Variants in HOXC4 observed in about 807,000 individuals in gnomAD.
HOXC4 encodes homeobox C4.
A neutral mutation model predicts 25.5 loss-of-function variants in HOXC4; 15 were observed. The observed-to-expected ratio is 0.59, with a 90% CI of 0.39 to 0.91. The LOEUF is 0.91. HOXC4 is among the 40% of genes least tolerant of loss of function. HOXC4 has a pLI of 0.00. For missense variants in HOXC4, 342 were observed against 352.4 expected (o/e 0.97, Z 0.24); for synonymous variants, 165 against 148.0 (o/e 1.11, Z -0.83).
intron 1 of HOXC4, among the ~76,000 whole-genome samples, chr12:54,038,646 C>T (rs1941225108): frequency 6.6e-6 from 1 of 152,168 alleles, no homozygotes; most frequent in African/African-American, 2.4e-5. Context: ...CATCTTAGTC[C>T]GTCTGAAGCC....
chr12:54,053,448 A>T, upstream of HOXC4: 1 of 162,378 alleles, frequency 6.2e-6, no homozygotes, highest in Admixed American at 6.0e-5. Flanking sequence ...TGACCTACAC[A>T]GACTGAGACA....
At chr12:54,033,042 CA>C (rs369424089) in intron 1 of HOXC4, 5 of 1,205,758 alleles carry the variant, frequency 4.1e-6, no homozygotes, top group Non-Finnish European at 3.5e-6. Context: ...CTTTGGAGAA[CA>C]AAAAACCCCT....
rs762492259 is a variant in HOXC4, at chr12:54,054,955, C to T, written c.545C>T (p.Thr182Ile). 9.9e-6 allele frequency: 16 copies of T among 1,613,962 alleles called. No homozygotes were observed. In the Middle Eastern group the frequency reaches 2.1e-3, roughly 216 times the overall value. The change falls in exon 2 of 2, where the codon ACC becomes ATC. Residue 182 changes from threonine (T) to isoleucine (I), a missense_variant. Thr to Ile is a moderately conservative substitution (Grantham distance 89). Transcript: ENST00000430889. ...EKEFHYNRYL[T>I]RRRRIEIAHS... ...GAGTTTCATTACAACCGCTACCTGA[C>T]CCGAAGGAGAAGGATCGAGATCGCC... is the stretch of plus-strand genomic sequence containing the variant.
chr12:54,050,282 C>T (rs1337571166), upstream of HOXC4, among the ~76,000 whole-genome samples: 3 of 152,150 alleles, frequency 2.0e-5, no homozygotes, highest in Non-Finnish European at 4.4e-5. Flanking sequence ...AAGGGAAGCG[C>T]TTTGTACTGA....
At chr12:54,019,184 C>A (rs1016705676) in intron 1 of HOXC4, among the ~76,000 whole-genome samples, 2 of 136,208 alleles carry the variant, frequency 1.5e-5, no homozygotes, top group African/African-American at 5.3e-5. Context: ...CCCACCCCCC[C>A]ACCCCCAGTA....
chr12:54,018,030 T>C (rs1565734245), intron 1 of HOXC4, among the ~76,000 whole-genome samples: 1 of 151,818 alleles, frequency 6.6e-6, no homozygotes, highest in Non-Finnish European at 1.5e-5. Context: ...AATTGGCAAT[T>C]AGGGGGGAGG....
rs566843610 is a variant in HOXC4 at position 54,054,633 on chromosome 12, C to T, written c.440-217C>T. On this transcript the variant is annotated intron_variant, in intron 1 of 1. Coordinates refer to ENST00000430889, the MANE Select transcript of HOXC4 (RefSeq NM_153633.3). ...GAAAACTATGCTCGCTTTCTAAGGG[C>T]GCATAAATAATTCAGTGTCGTTACA... 8.5e-5 allele frequency among the ~76,000 whole-genome samples: 13 copies of T among 152,204 alleles called. No homozygotes were observed. The South Asian group carries it at 1.9e-3, about 22-fold the overall frequency.
chr12:54,019,171 T>G (rs1390937178), intron 1 of HOXC4, among the ~76,000 whole-genome samples: 1 of 79,254 alleles, frequency 1.3e-5, no homozygotes, highest in Admixed American at 1.4e-4. Flanking sequence ...TCTCTCCCCC[T>G]CCCCCACCCC....
chr12:54,027,059 C>T (rs980613907), intron 1 of HOXC4, among the ~76,000 whole-genome samples: 1 of 151,966 alleles, frequency 6.6e-6, no homozygotes, highest in African/African-American at 2.4e-5. Context: ...ATCACGATAT[C>T]AAATTAAGTT....
chr12:54,053,966 C>T lies in HOXC4; in HGVS notation c.44C>T (p.Pro15Leu), dbSNP rs777245697. The T allele has an allele frequency of 6.2e-7, 1 of 1,613,908 alleles. No homozygotes were observed. Among genetic ancestry groups the T allele is most frequent in the Non-Finnish European group, 8.5e-7 (1 of 1,179,844 alleles). The stretch of plus-strand genomic sequence containing the variant: ...TTGATGGACTCTAACTACATCGATC[C>T]GAAATTTCCTCCATGCGAAGAATAT... ...SYLMDSNYID[P>L]KFPPCEEYSQ... Residue 15 changes from proline (P) to leucine (L), a missense_variant, in exon 1 of 2, where the codon CCG becomes CTG. Transcript: ENST00000430889.
chr12:54,032,564 T>C (rs867904605), intron 1 of HOXC4, among the ~76,000 whole-genome samples: 6 of 152,348 alleles, frequency 3.9e-5, no homozygotes, highest in Middle Eastern at 3.4e-3. Context: ...AGAACGGGAC[T>C]TTCATTACAA....
At chr12:54,041,465 TG>T (rs575340934) in intron 1 of HOXC4, among the ~76,000 whole-genome samples, 57 of 152,282 alleles carry the variant, frequency 3.7e-4, no homozygotes, top group African/African-American at 1.3e-3. Context: ...AGCACCCCCC[TG>T]GGGGCATTAA....
At chr12:54,020,395 G>C (rs1274002127) in intron 1 of HOXC4, 1 of 152,202 alleles carries the variant, frequency 6.6e-6, no homozygotes, top group African/African-American at 2.4e-5. Context: ...TCATGTGCTG[G>C]TTCCTAGCTA....
intron 1 of HOXC4, chr12:54,029,782 C>A: frequency 3.1e-6 from 5 of 1,614,088 alleles, no homozygotes; most frequent in Non-Finnish European, 4.2e-6. Flanking sequence ...AGATCGCCAA[C>A]GCGCTTTGCC....
chr12:54,028,564 G>T (rs181552044), intron 1 of HOXC4: 1 of 1,614,064 alleles, frequency 6.2e-7, no homozygotes, highest in Admixed American at 1.7e-5. Context: ...CTGCCACCTC[G>T]CCGGGGGCCA....
chr12:54,045,567 T>C (rs1937682425), intron 1 of HOXC4, among the ~76,000 whole-genome samples: 1 of 152,240 alleles, frequency 6.6e-6, no homozygotes, highest in Admixed American at 6.5e-5. Flanking sequence ...ATCTTTACAG[T>C]CTTTGCATTT....
intron 1 of HOXC4, among the ~76,000 whole-genome samples, chr12:54,041,469 G>T (rs1040978812): frequency 6.6e-6 from 1 of 152,212 alleles, no homozygotes. Flanking sequence ...CCCCCCTGGG[G>T]GCATTAAGAG....
In HOXC4 at chr12:54,055,221, C is replaced by T. The variant is rs1937948584; in HGVS notation, c.*16C>T. The T allele has an allele frequency of 2.0e-5, 28 of 1,427,544 alleles. No homozygotes were observed. The highest frequency in any genetic ancestry group is 2.6e-5 in the Non-Finnish European group (28 of 1,063,110). 88.4% of individuals were successfully genotyped at this position (1,427,544 alleles called of 1,614,324 possible). A position where few individuals can be genotyped will look rare whatever the true frequency, so the allele number is the denominator to read the frequency against. On this transcript the variant is annotated 3_prime_UTR_variant, in exon 2 of 2. Coordinates refer to ENST00000430889, the MANE Select transcript of HOXC4 (RefSeq NM_153633.3). ...CAGGTTATAAAACATAACTCACACCCCTGCCCCCACCCCATGCCCCCACCC... is the reference window on the plus strand; with the variant it reads ...CAGGTTATAAAACATAACTCACACCTCTGCCCCCACCCCATGCCCCCACCC...
Position 54,054,309 on chromosome 12 carries a change from C to T in HOXC4, c.387C>T (p.Ala129=). 2.5e-6 allele frequency: 4 copies of T among 1,606,122 alleles called. No homozygotes were observed. The South Asian group carries it at 3.3e-5, about 13-fold the overall frequency. Residue 129 remains alanine (A), a synonymous_variant, in exon 1 of 2, where the codon GCC becomes GCT. Transcript: ENST00000430889. Reference sequence around the variant, plus strand: ...CCCCCGACCATCCCTCCAGCGCCGCCAGCAAGCAACCCATAGTCTACCCAT... The same window carrying T: ...CCCCCGACCATCCCTCCAGCGCCGCTAGCAAGCAACCCATAGTCTACCCAT... ...QPAPDHPSSA[A]SKQPIVYPWM...
Sources: allele counts gnomAD v4.1 joint callset (sites outside exome capture counted in the v4.1 genomes callset), GRCh38; gene constraint gnomAD v4.1.1; transcripts MANE v1.5; gene names NCBI Gene and HGNC (gene_info 2026-07-23, HGNC 2026-07-21).